The following SNIP1 variants were observed in gnomAD, a reference collection of about 807,000 sequenced individuals.
The protein encoded by SNIP1 is smad nuclear-interacting protein 1.
In SNIP1, 23 loss-of-function variants were observed where a neutral mutation model predicts 37.4. That is an observed-to-expected ratio of 0.61 (90% CI 0.44 to 0.87). The LOEUF (loss-of-function observed/expected upper bound fraction) is 0.87, where lower values mean the gene tolerates loss of function less well. SNIP1 is among the 40% of genes least tolerant of loss of function. The pLI is 0.00. For synonymous variants in SNIP1, 174 were observed against 200.0 expected (o/e 0.87, Z 1.10); for missense variants, 459 against 540.4 (o/e 0.85, Z 1.49).
Position 37,537,529 on chromosome 1 carries a change from C to CAG in SNIP1, c.*217_*218dup. 1 of 522,252 alleles carries CAG rather than the reference C, an allele frequency of 1.9e-6. No homozygotes were observed. Among genetic ancestry groups the CAG allele is most frequent in the Non-Finnish European group, 3.4e-6 (1 of 297,042 alleles). The allele number at this position is 522,252 out of a possible 1,614,324, so 32.4% of individuals were successfully genotyped here. On this transcript the variant is annotated 3_prime_UTR_variant, in exon 4 of 4. Transcript: ENST00000296215. ...AGACTGTTCTGAAAACAAATGCCTG[C>CAG]AGGCATGTGGCCAAGGTGCCACAGA...
chr1:37,547,523 C>T (rs1360035004), intron 2 of SNIP1, among the ~76,000 whole-genome samples: 1 of 151,578 alleles, frequency 6.6e-6, no homozygotes, highest in Non-Finnish European at 1.5e-5. Flanking sequence ...CACTTGAGGT[C>T]AGGAGTTTGA....
Position 37,536,662 on chromosome 1 carries a change from A to G in SNIP1, c.*1086T>C, listed in dbSNP as rs1162467247. On this transcript the variant is annotated 3_prime_UTR_variant, in exon 4 of 4. Coordinates refer to ENST00000296215, the MANE Select transcript of SNIP1 (RefSeq NM_024700.4). ...AAAATCAGTATCAGCTCTTTAACAC[A>G]CAATTTACATATATACATACATACA... 1 of 152,496 alleles carries G rather than the reference A, an allele frequency of 6.6e-6. No homozygotes were observed. Among genetic ancestry groups the G allele is most frequent in the Non-Finnish European group, 1.5e-5 (1 of 68,040 alleles). 9.4% of individuals were successfully genotyped at this position (152,496 alleles called of 1,614,324 possible).
At position 37,540,836 on chromosome 1, in the gene SNIP1, T is replaced by A; in HGVS notation, c.328-81A>T. On this transcript the variant is annotated intron_variant, in intron 2 of 3. Transcript: ENST00000296215. The surrounding 1 kb of genome is among the most constrained non-coding windows in gnomAD (Gnocchi z 5.6). ...CAAATCTTGTTCTTTTTGAACGAAG[T>A]GCATGCAAAAAGTCTTGTAATTTGG... The A allele has an allele frequency of 7.3e-7, 1 of 1,363,260 alleles. No homozygotes were observed. Among genetic ancestry groups the A allele is most frequent in the Non-Finnish European group, 9.9e-7 (1 of 1,011,078 alleles). The allele number at this position is 1,363,260 out of a possible 1,614,324, so 84.4% of individuals were successfully genotyped here.
rs779443322 is a variant in SNIP1, at chr1:37,540,538, T to C, written c.545A>G (p.Tyr182Cys). The C allele has an allele frequency of 1.2e-5, 20 of 1,614,002 alleles. No homozygotes were observed. The highest frequency in any genetic ancestry group is 1.4e-5 in the Non-Finnish European group (16 of 1,180,040). Residue 182 changes from tyrosine (Y) to cysteine (C), a missense_variant, in exon 3 of 4, where the codon TAT (tyrosine) becomes TGT (cysteine). Physicochemically the swap from Tyr to Cys is radical, Grantham distance 194. Coordinates refer to ENST00000296215, the MANE Select transcript of SNIP1 (RefSeq NM_024700.4). This position sits in a 1 kb window ranked among gnomAD's most constrained non-coding sequence, Gnocchi z 5.6. Reference sequence around the variant, plus strand: ...GCGATGCTCCCGTCGCCTGGCATTATAAAACTCCCGCTCTTCTTCCTGAGC... The same window carrying C: ...GCGATGCTCCCGTCGCCTGGCATTACAAAACTCCCGCTCTTCTTCCTGAGC... ...LQAQEEEREF[Y>C]NARRREHRQR... is the part of the protein sequence containing the mutation.
At chr1:37,552,867 C>A in intron 1 of SNIP1, 120 bp from the exon 2 acceptor site, 1 of 805,476 alleles carries the variant, frequency 1.2e-6, no homozygotes, top group South Asian at 1.5e-5. Flanking sequence ...CTCTGCCGGT[C>A]ACATTAAAGG....
intron 2 of SNIP1, among the ~76,000 whole-genome samples, chr1:37,542,682 G>A (rs548976904): frequency 2.0e-5 from 3 of 152,184 alleles, no homozygotes; most frequent in Non-Finnish European, 2.9e-5. Flanking sequence ...AGAGATTGCA[G>A]TAAGCCAAGA....
At chr1:37,544,462 A>AAG (rs1553165997) in intron 2 of SNIP1, among the ~76,000 whole-genome samples, 5 of 150,392 alleles carry the variant, frequency 3.3e-5, no homozygotes, top group African/African-American at 9.7e-5. Context: ...AAAAAAAAAA[A>AAG]AAAGAAAGAA....
chr1:37,545,502 T>C (rs1643223962), intron 2 of SNIP1, among the ~76,000 whole-genome samples: 1 of 148,716 alleles, frequency 6.7e-6, no homozygotes, highest in Non-Finnish European at 1.5e-5. Context: ...AAAAAACTTC[T>C]TGTTATGGAC....
rs1643077535 is a variant in SNIP1, at chr1:37,535,319, G to C, written c.*2429C>G. 3 of 149,106 alleles carry C rather than the reference G, an allele frequency of 2.0e-5. No homozygotes were observed. The highest frequency in any genetic ancestry group is 6.7e-5 in the Admixed American group (1 of 14,916). The allele number at this position is 149,106 out of a possible 1,614,324, so 9.2% of individuals were successfully genotyped here. A position where few individuals can be genotyped will look rare whatever the true frequency, so the allele number is the denominator to read the frequency against. ...AGGCAGGAGAATCGCTTGAAACTGG[G>C]AGGCGGAGGTTGCAGTGAGCCAAGA... is the stretch of plus-strand genomic sequence containing the variant. On this transcript the variant is annotated 3_prime_UTR_variant, in exon 4 of 4. Coordinates refer to ENST00000296215, the MANE Select transcript of SNIP1 (RefSeq NM_024700.4).
At chr1:37,545,498 C>T (rs1417006632) in intron 2 of SNIP1, among the ~76,000 whole-genome samples, 2 of 108,236 alleles carry the variant, frequency 1.8e-5, no homozygotes, top group Non-Finnish European at 1.8e-5. Flanking sequence ...AAAGAAAAAA[C>T]TTCTTGTTAT....
In SNIP1 at chr1:37,537,871, A is replaced by C; in HGVS notation, c.1068T>G (p.Asp356Glu). 6.2e-7 allele frequency: 1 copy of C among 1,614,160 alleles called. No individual in the cohort carries two copies. Among genetic ancestry groups the C allele is most frequent in the Non-Finnish European group, 8.5e-7 (1 of 1,180,032 alleles). The change falls in exon 4 of 4, where the codon GAT (aspartate) becomes GAG (glutamate). Residue 356 changes from aspartate (D) to glutamate (E), a missense_variant. Asp to Glu is a conservative substitution (Grantham distance 45). Coordinates refer to ENST00000296215, the MANE Select transcript of SNIP1 (RefSeq NM_024700.4). ...PQRYYELKEK[D>E]VLKFGFSSRE... ...TGCTACTGAATCCAAATTTGAGTAC[A>C]TCCTTTTCTTTTAGTTCATAGTATC...
Position 37,537,700 on chromosome 1 carries a change from G to T in SNIP1, c.*48C>A. 5.1e-6 allele frequency: 8 copies of T among 1,578,468 alleles called. No homozygotes were observed. Among genetic ancestry groups the T allele is most frequent in the South Asian group, 1.2e-5 (1 of 83,260 alleles). ...CATAGTGCTCTCTGAGTCAATCAAA[G>T]ACTTCCAAGAAGGAAACCGTGTATC... On this transcript the variant is annotated 3_prime_UTR_variant, in exon 4 of 4. Coordinates refer to ENST00000296215, the MANE Select transcript of SNIP1 (RefSeq NM_024700.4).
chr1:37,537,761 ACTT>A lies in SNIP1; in HGVS notation c.1175_1177del (p.Glu392del), dbSNP rs761093271. On this transcript the variant is annotated inframe_deletion, in exon 4 of 4. Coordinates refer to ENST00000296215, the MANE Select transcript of SNIP1 (RefSeq NM_024700.4). ...GTTCTTAGTTTGCTAGCTGTCAGAC[ACTT>A]CTTCCTCCTCCTCCTCATCCTCGTC... 23 of 1,613,022 alleles carry A rather than the reference ACTT, an allele frequency of 1.4e-5. No homozygotes were observed. The highest frequency in any genetic ancestry group is 6.7e-5 in the African/African-American group (5 of 74,818).
chr1:37,548,361 G>C (rs1013244749), intron 2 of SNIP1, among the ~76,000 whole-genome samples: 15 of 151,208 alleles, frequency 9.9e-5, no homozygotes, highest in Admixed American at 5.9e-4. Flanking sequence ...TGTCACCCAG[G>C]CTGGAGTGCA....
intron 2 of SNIP1, among the ~76,000 whole-genome samples, chr1:37,545,450 T>C (rs1045891433): frequency 6.7e-6 from 1 of 150,328 alleles, no homozygotes; most frequent in African/African-American, 2.5e-5. Flanking sequence ...ATAAAGAAAT[T>C]TGGTACCCCC....
chr1:37,535,239 T>TATATATATATATATATATATATAAAA lies in SNIP1; in HGVS notation c.*2508_*2509insTTTTATATATATATATATATATATAT, dbSNP rs370386634. On this transcript the variant is annotated 3_prime_UTR_variant, in exon 4 of 4. Coordinates refer to ENST00000296215, the MANE Select transcript of SNIP1 (RefSeq NM_024700.4). ...AAATAAAAAATAAAAATTATATATATAAATTAGCCAGGCTTGGTGACAGGT... is the reference window on the plus strand; with the variant it reads ...AAATAAAAAATAAAAATTATATATATATATATATATATATATATATATAAAAAAATTAGCCAGGCTTGGTGACAGGT... 2 of 108,650 alleles carry TATATATATATATATATATATATAAAA rather than the reference T, an allele frequency of 1.8e-5. No homozygotes were observed. Among genetic ancestry groups the TATATATATATATATATATATATAAAA allele is most frequent in the Admixed American group, 9.5e-5 (1 of 10,548 alleles). The allele number at this position is 108,650 out of a possible 1,614,324, so 6.7% of individuals were successfully genotyped here.
intron 2 of SNIP1, among the ~76,000 whole-genome samples, chr1:37,548,152 C>CAAAAAAAA (rs35503081): frequency 7.6e-5 from 5 of 65,372 alleles, no homozygotes; most frequent in African/African-American, 2.8e-4. Flanking sequence ...GACTCCATAT[C>CAAAAAAAA]AAAAAAAAAA....
chr1:37,550,144 G>A (rs1643284828), intron 2 of SNIP1, among the ~76,000 whole-genome samples: 1 of 152,092 alleles, frequency 6.6e-6, no homozygotes. Context: ...AAAAAATTTA[G>A]GAGAAAATTT....
chr1:37,540,190 G>C lies in SNIP1; in HGVS notation c.893C>G (p.Ser298Cys). The change falls in exon 3 of 4, where the codon TCT (serine) becomes TGT (cysteine). Residue 298 changes from serine (S) to cysteine (C), a missense_variant. Transcript: ENST00000296215. The surrounding 1 kb of genome is among the most constrained non-coding windows in gnomAD (Gnocchi z 5.6). The part of the protein sequence containing the change: ...RIADIPIDHP[S>C]CSKQHAVFQY... ...AAAGACCGCATGCTGCTTTGAACAA[G>C]ACGGGTGATCAATTGGAATGTCTGC... The C allele has an allele frequency of 6.2e-7, 1 of 1,603,290 alleles. No individual in the cohort carries two copies. The highest frequency in any genetic ancestry group is 8.5e-7 in the Non-Finnish European group (1 of 1,171,222).
Sources: allele counts gnomAD v4.1 joint callset (sites outside exome capture counted in the v4.1 genomes callset), GRCh38; gene constraint gnomAD v4.1.1; non-coding constraint Gnocchi (gnomAD v3.1); transcripts MANE v1.5; gene names NCBI Gene and HGNC (gene_info 2026-07-23, HGNC 2026-07-21).